Variants in CDIN1 observed in about 807,000 individuals in gnomAD.
The protein encoded by CDIN1 is CDAN1-interacting nuclease 1.
CDIN1 carries 33 observed loss-of-function variants against 45.3 expected under a neutral mutation model. The observed-to-expected ratio is 0.73, with a 90% confidence interval of 0.55 to 0.97. CDIN1 has a LOEUF of 0.97. CDIN1 is among the 50% of genes least tolerant of loss of function. The pLI is 0.00. For synonymous variants in CDIN1, 118 were observed against 124.4 expected (o/e 0.95, Z 0.34); for missense variants, 303 against 339.4 (o/e 0.89, Z 0.84).
chr15:36,654,966 G>C (rs191113763), intron 4 of CDIN1, among the ~76,000 whole-genome samples: 100 of 152,336 alleles, frequency 6.6e-4, no homozygotes, highest in African/African-American at 2.3e-3. Flanking sequence ...AATGTACACT[G>C]TTTTTGCGTT....
intron 8 of CDIN1, chr15:36,702,213 C>T: frequency 5.8e-6 from 4 of 687,528 alleles, no homozygotes; most frequent in Non-Finnish European, 1.1e-5. Context: ...AAATATGATG[C>T]TGTTTTTAGA....
At chr15:36,784,327 T>A (rs16964049) in intron 10 of CDIN1, among the ~76,000 whole-genome samples, 26,613 of 152,076 alleles carry the variant, frequency 0.17, 4,297 homozygotes, top group African/African-American at 0.43. Flanking sequence ...GCCGTGTAAG[T>A]GGTGCTAAGT....
At chr15:36,666,459 C>T (rs1382036340) in intron 5 of CDIN1, among the ~76,000 whole-genome samples, 1 of 152,198 alleles carries the variant, frequency 6.6e-6, no homozygotes, top group Non-Finnish European at 1.5e-5. Flanking sequence ...CCCTTCCCCT[C>T]ACTATACATA....
At chr15:36,633,328 A>G (rs1021089388) in intron 1 of CDIN1, among the ~76,000 whole-genome samples, 4 of 151,896 alleles carry the variant, frequency 2.6e-5, no homozygotes, top group Non-Finnish European at 5.9e-5. Flanking sequence ...CTTCTCTGTG[A>G]TTTCTTTCCT....
chr15:36,763,106 T>C (rs956195390), intron 10 of CDIN1, among the ~76,000 whole-genome samples: 6 of 152,178 alleles, frequency 3.9e-5, no homozygotes, highest in Non-Finnish European at 8.8e-5. Context: ...TACAGTCCCA[T>C]CAACAGTGTA....
intron 10 of CDIN1, among the ~76,000 whole-genome samples, chr15:36,756,437 G>A (rs1053191640): frequency 6.6e-6 from 1 of 151,936 alleles, no homozygotes; most frequent in Non-Finnish European, 1.5e-5. Flanking sequence ...TTATATCCTT[G>A]CCTAAAGCAG....
intron 10 of CDIN1, among the ~76,000 whole-genome samples, chr15:36,716,418 T>C (rs1053735643): frequency 2.6e-5 from 4 of 152,114 alleles, no homozygotes; most frequent in Non-Finnish European, 5.9e-5. Context: ...AGTTTACCAA[T>C]ATCGGGAGTA....
At chr15:36,656,499 C>T (rs1308451715) in intron 4 of CDIN1, among the ~76,000 whole-genome samples, 1 of 152,084 alleles carries the variant, frequency 6.6e-6, no homozygotes, top group Admixed American at 6.5e-5. Context: ...TCTGTTCTCT[C>T]CACACAAATA....
intron 1 of CDIN1, among the ~76,000 whole-genome samples, chr15:36,633,305 A>G (rs1011411126): frequency 3.3e-5 from 5 of 152,142 alleles, no homozygotes; most frequent in African/African-American, 1.2e-4. Flanking sequence ...TGTTGTAGGT[A>G]TGATTGAATG....
At chr15:36,698,546 T>C (rs1224347157) in intron 8 of CDIN1, among the ~76,000 whole-genome samples, 1 of 152,176 alleles carries the variant, frequency 6.6e-6, no homozygotes, top group African/African-American at 2.4e-5. Flanking sequence ...GGAAAATACG[T>C]AATAGTTCAG....
intron 10 of CDIN1, among the ~76,000 whole-genome samples, chr15:36,756,349 CAT>C (rs1360697064): frequency 2.6e-5 from 4 of 152,160 alleles, no homozygotes; most frequent in African/African-American, 4.8e-5. Context: ...TCTCATATTT[CAT>C]ATGTTGGTGT....
intron 10 of CDIN1, among the ~76,000 whole-genome samples, chr15:36,714,654 T>G (rs774669257): frequency 6.6e-6 from 1 of 152,120 alleles, no homozygotes; most frequent in Non-Finnish European, 1.5e-5. Flanking sequence ...CAGCCTGCCT[T>G]CCTTTTCTTC....
chr15:36,715,484 A>T (rs567222193), intron 10 of CDIN1, among the ~76,000 whole-genome samples: 1 of 152,178 alleles, frequency 6.6e-6, no homozygotes, highest in Non-Finnish European at 1.5e-5. Flanking sequence ...GAACCCTGCA[A>T]TTAGCCAAAT....
chr15:36,609,343 T>C (rs4542618), intron 1 of CDIN1, among the ~76,000 whole-genome samples: 17,745 of 152,234 alleles, frequency 0.12, 1,055 homozygotes, highest in Middle Eastern at 0.14. Context: ...ATCATCTAAG[T>C]TGACAATTTG....
At chr15:36,739,950 AT>A (rs1229120038) in intron 10 of CDIN1, among the ~76,000 whole-genome samples, 2 of 152,216 alleles carry the variant, frequency 1.3e-5, no homozygotes, top group Non-Finnish European at 2.9e-5. Flanking sequence ...AAAATGTCAT[AT>A]TTACTACAGG....
intron 10 of CDIN1, among the ~76,000 whole-genome samples, chr15:36,805,471 T>C (rs2055198454): frequency 6.6e-6 from 1 of 152,164 alleles, no homozygotes; most frequent in Non-Finnish European, 1.5e-5. Context: ...TTCCCAGTGA[T>C]CTCATTTTTG....
chr15:36,609,524 G>C (rs911334569), intron 1 of CDIN1, among the ~76,000 whole-genome samples: 2 of 152,178 alleles, frequency 1.3e-5, no homozygotes, highest in African/African-American at 2.4e-5. Context: ...CACTTTAAAG[G>C]GGGGACCGAG....
intron 10 of CDIN1, chr15:36,798,958 G>GC (rs1443495054): frequency 6.6e-6 from 1 of 152,188 alleles, no homozygotes; most frequent in African/African-American, 2.4e-5. Context: ...ACCACTGTCA[G>GC]CCAGGCCTTG....
At chr15:36,756,200 G>A in intron 10 of CDIN1, 1 of 450,716 alleles carries the variant, frequency 2.2e-6, no homozygotes, top group Non-Finnish European at 4.5e-6. Flanking sequence ...TCTTAAATGT[G>A]AAATTACCAG....
Sources: gnomAD v4.1 joint callset for allele counts (sites outside exome capture counted in the v4.1 genomes callset) on GRCh38, gnomAD v4.1.1 for gene constraint, MANE v1.5 for transcripts, NCBI Gene and HGNC (gene_info 2026-07-23, HGNC 2026-07-21) for gene names.